The following COL14A1 variants were observed in gnomAD, a reference collection of about 807,000 sequenced individuals.
The protein encoded by COL14A1 is collagen type XIV alpha 1 chain.
A neutral mutation model predicts 230.3 loss-of-function variants in COL14A1; 136 were observed. The ratio of observed to expected loss-of-function variants is 0.59; its 90% CI spans 0.51 to 0.68. The LOEUF (loss-of-function observed/expected upper bound fraction) is 0.68, where lower values mean the gene tolerates loss of function less well. Among genes scored for constraint, COL14A1 ranks in the 30% least tolerant of loss-of-function variants. The pLI is 0.00. For synonymous variants in COL14A1, 792 were observed against 784.1 expected (o/e 1.01, Z -0.17); for missense variants, 1,976 against 2,215.8 (o/e 0.89, Z 2.17).
At chr8:120,311,125 C>T (rs766033263) in intron 37 of COL14A1, among the ~76,000 whole-genome samples, 1 of 152,116 alleles carries the variant, frequency 6.6e-6, no homozygotes, top group Non-Finnish European at 1.5e-5. Context: ...TCAGGTACTA[C>T]CCAATCCAAA....
intron 1 of COL14A1, among the ~76,000 whole-genome samples, chr8:120,135,346 C>T (rs1406640604): frequency 6.6e-6 from 1 of 152,168 alleles, no homozygotes; most frequent in Admixed American, 6.5e-5. Context: ...TCACTGAAAC[C>T]TCCACCTTCC....
chr8:120,292,782 A>G (rs1337768360), intron 34 of COL14A1, among the ~76,000 whole-genome samples: 1 of 152,146 alleles, frequency 6.6e-6, no homozygotes, highest in East Asian at 1.9e-4. Flanking sequence ...TATTCAATAA[A>G]TGCCAGATGG....
At chr8:120,312,775 C>T (rs1454475479) in intron 37 of COL14A1, among the ~76,000 whole-genome samples, 1 of 152,210 alleles carries the variant, frequency 6.6e-6, no homozygotes, top group African/African-American at 2.4e-5. Context: ...CACTCATTAT[C>T]TACCCACACT....
chr8:120,214,820 G>A (rs957669613), intron 13 of COL14A1, among the ~76,000 whole-genome samples: 2 of 152,084 alleles, frequency 1.3e-5, no homozygotes, highest in African/African-American at 4.8e-5. Flanking sequence ...TGGAGTGGAA[G>A]AGCTGTTGCA....
intron 45 of COL14A1, among the ~76,000 whole-genome samples, chr8:120,355,736 T>C (rs1822960839): frequency 6.6e-6 from 1 of 152,146 alleles, no homozygotes; most frequent in African/African-American, 2.4e-5. Context: ...TCAGTCTTTA[T>C]GCAACTCCTT....
At chr8:120,316,093 C>A in intron 40 of COL14A1, 96 bp downstream of exon 40, 2 of 1,275,556 alleles carry the variant, frequency 1.6e-6, no homozygotes, top group South Asian at 1.3e-5. Context: ...GGAGTCAAGC[C>A]AGTTTTTGCT....
Position 120,285,762 on chromosome 8 carries a change from A to G in COL14A1, c.3968-99A>G, listed in dbSNP as rs1217368254. On this transcript the variant is annotated intron_variant, in intron 32 of 47. Coordinates refer to ENST00000297848, the MANE Select transcript of COL14A1 (RefSeq NM_021110.4). ...ATCACATCATTCTAAATACAGTTTC[A>G]AAACAATCGATGCATTGTTTTGTTT... 3.8e-5 allele frequency: 29 copies of G among 765,280 alleles called. No homozygotes were observed. In the Middle Eastern group the frequency reaches 1.1e-3, roughly 30 times the overall value. 47.4% of individuals were successfully genotyped at this position (765,280 alleles called of 1,614,324 possible). A position where few individuals can be genotyped will look rare whatever the true frequency, so the allele number is the denominator to read the frequency against.
At chr8:120,342,113 T>G (rs556216184) in intron 43 of COL14A1, among the ~76,000 whole-genome samples, 1 of 152,360 alleles carries the variant, frequency 6.6e-6, no homozygotes, top group South Asian at 2.1e-4. Context: ...TGGGTTTGTT[T>G]CAAAACTATT....
chr8:120,218,246 ATATAAG>A (rs1260149683), intron 14 of COL14A1, among the ~76,000 whole-genome samples: 10 of 124,082 alleles, frequency 8.1e-5, no homozygotes, highest in Admixed American at 1.7e-4. Flanking sequence ...AAATATAAAT[ATATAAG>A]TATATGTCTA....
At chr8:120,165,060 T>C (rs186386553) in intron 4 of COL14A1, among the ~76,000 whole-genome samples, 3 of 152,336 alleles carry the variant, frequency 2.0e-5, no homozygotes, top group Middle Eastern at 3.4e-3. Flanking sequence ...AGATAAATAA[T>C]ATGCAAGCGT....
At chr8:120,203,891 G>A in intron 9 of COL14A1, 21 bp downstream of exon 9, 1 of 1,609,428 alleles carries the variant, frequency 6.2e-7, no homozygotes, top group East Asian at 2.2e-5. Flanking sequence ...TGACAGAGCA[G>A]TCCTGTGGAT....
At chr8:120,175,319 T>G (rs1816244350) in intron 5 of COL14A1, among the ~76,000 whole-genome samples, 1 of 152,220 alleles carries the variant, frequency 6.6e-6, no homozygotes, top group South Asian at 2.1e-4. Context: ...TTTGGAGTTT[T>G]GCACAAGAAT....
chr8:120,293,730 A>G (rs1437664405), intron 34 of COL14A1, among the ~76,000 whole-genome samples: 2 of 151,878 alleles, frequency 1.3e-5, no homozygotes, highest in Admixed American at 6.6e-5. Flanking sequence ...ACTAGAGACT[A>G]TATGTCCTAT....
intron 25 of COL14A1, among the ~76,000 whole-genome samples, chr8:120,268,616 C>T (rs1819569365): frequency 6.6e-6 from 1 of 151,334 alleles, no homozygotes; most frequent in Non-Finnish European, 1.5e-5. Context: ...TTTGTTTGTC[C>T]TGGGTATATT....
intron 34 of COL14A1, among the ~76,000 whole-genome samples, chr8:120,296,208 C>A (rs1361058374): frequency 6.6e-6 from 1 of 151,790 alleles, no homozygotes; most frequent in African/African-American, 2.4e-5. Context: ...GCACATATTT[C>A]TGCAAACAGC....
rs765752201 is a variant in COL14A1 at position 120,280,995 on chromosome 8, G to T, written c.3760G>T (p.Gly1254Cys). ...AGTGGAAGGGGTTTCTATGGAGCCT[G>T]GTACCTTCAATGTGTTTCCATGTTA... ...SSVEGVSMEP[G>C]TFNVFPCYQL... Residue 1254 changes from glycine to cysteine, a missense_variant, in exon 31 of 48, where the codon GGT becomes TGT. This residue lies in a region of COL14A1 where 1,791 missense variants were observed against 2,019.5 expected (regional missense o/e 0.89). Coordinates refer to ENST00000297848, the MANE Select transcript of COL14A1 (RefSeq NM_021110.4). The T allele has an allele frequency of 1.2e-6, 2 of 1,612,504 alleles. No homozygotes were observed. Among genetic ancestry groups the T allele is most frequent in the Non-Finnish European group, 1.7e-6 (2 of 1,179,330 alleles).
intron 40 of COL14A1, among the ~76,000 whole-genome samples, chr8:120,326,249 GTC>G (rs1214139503): frequency 6.6e-6 from 1 of 152,304 alleles, no homozygotes; most frequent in Non-Finnish European, 1.5e-5. Context: ...CTGTGAAAAT[GTC>G]TCTGTGTCCC....
At position 120,371,973 on chromosome 8, in the gene COL14A1, C is replaced by T. The variant is rs1356013735; in HGVS notation, c.*742C>T. On this transcript the variant is annotated 3_prime_UTR_variant, in exon 48 of 48. Transcript: ENST00000297848. ...ATCTACGGGGATTACTTTGTACATG[C>T]AGATAAGTTTTCGCAAACCTATTTC... The T allele has an allele frequency of 4.1e-6, 1 of 243,826 alleles. No individual in the cohort carries two copies. Among genetic ancestry groups the T allele is most frequent in the Non-Finnish European group, 7.8e-6 (1 of 127,496 alleles). 15.1% of individuals were successfully genotyped at this position (243,826 alleles called of 1,614,324 possible). A position where few individuals can be genotyped will look rare whatever the true frequency, so the allele number is the denominator to read the frequency against.
chr8:120,214,039 A>C lies in COL14A1; in HGVS notation c.1597+1462A>C, dbSNP rs77799027. 72 of 282,792 alleles carry C rather than the reference A, an allele frequency of 2.5e-4. No individual in the cohort carries two copies. In the East Asian group the frequency reaches 6.5e-3, roughly 26 times the overall value. 17.5% of individuals were successfully genotyped at this position (282,792 alleles called of 1,614,324 possible). A position where few individuals can be genotyped will look rare whatever the true frequency, so the allele number is the denominator to read the frequency against. On this transcript the variant is annotated intron_variant, in intron 13 of 47. Coordinates refer to ENST00000297848, the MANE Select transcript of COL14A1 (RefSeq NM_021110.4). ...GAACTGGGCTTTGAGGTTAGGAAAC[A>C]TCATGCTTCGTGGCTATGGCTGGTA... is the stretch of plus-strand genomic sequence containing the variant.
Sources: gnomAD v4.1 joint callset for allele counts (sites outside exome capture counted in the v4.1 genomes callset) on GRCh38, gnomAD v4.1.1 for gene constraint, gnomAD v4.1.1 regional missense constraint, MANE v1.5 for transcripts, NCBI Gene and HGNC (gene_info 2026-07-23, HGNC 2026-07-21) for gene names.